The following TAFA5 variants were observed in gnomAD, a reference collection of about 807,000 sequenced individuals.
TAFA5 encodes the protein TAFA chemokine like family member 5.
In TAFA5, 6 loss-of-function variants were observed where a neutral mutation model predicts 15.3. That is an observed-to-expected ratio of 0.39 (90% CI 0.21 to 0.77). The LOEUF is 0.77. Among genes scored for constraint, TAFA5 ranks in the 30% least tolerant of loss-of-function variants. TAFA5 has a pLI of 0.41. For synonymous variants in TAFA5, 103 were observed against 80.7 expected (o/e 1.28, Z -1.48); for missense variants, 161 against 193.1 (o/e 0.83, Z 0.98).
chr22:48,627,209 G>A (rs1275052597), intron 1 of TAFA5, among the ~76,000 whole-genome samples: 1 of 152,238 alleles, frequency 6.6e-6, no homozygotes, highest in Non-Finnish European at 1.5e-5. Flanking sequence ...TTTTCTGGAA[G>A]TTCAGTCTTT....
intron 1 of TAFA5, among the ~76,000 whole-genome samples, chr22:48,510,112 C>A (rs1451566841): frequency 1.3e-5 from 2 of 152,166 alleles, no homozygotes; most frequent in Non-Finnish European, 2.9e-5. Context: ...ACCTGAAATG[C>A]TTCGGGACAT....
chr22:48,490,199 G>A lies in TAFA5; in HGVS notation c.112+495G>A, dbSNP rs1025745541. On this transcript the variant is annotated intron_variant, in intron 1 of 3. Coordinates refer to ENST00000402357, the MANE Select transcript of TAFA5 (RefSeq NM_001082967.3). The surrounding 1 kb of genome is among the most constrained non-coding windows in gnomAD (Gnocchi z 5.8). ...AGCCCAGCCTGGGCTCGGAGGAGCA[G>A]CTGGAGCTTCCGCTTTCCCGGGAAA... Among the ~76,000 whole-genome samples, 1 of 152,158 alleles carries A rather than the reference G, an allele frequency of 6.6e-6. No individual in the cohort carries two copies. The highest frequency in any genetic ancestry group is 6.5e-5 in the Admixed American group (1 of 15,286).
intron 1 of TAFA5, among the ~76,000 whole-genome samples, chr22:48,624,627 C>G (rs1925964599): frequency 6.6e-6 from 1 of 152,172 alleles, no homozygotes; most frequent in African/African-American, 2.4e-5. Flanking sequence ...TGGGCGCTCC[C>G]CCTGGCACTC....
At chr22:48,553,709 C>T (rs547459641) in intron 1 of TAFA5, among the ~76,000 whole-genome samples, 2 of 152,344 alleles carry the variant, frequency 1.3e-5, no homozygotes, top group African/African-American at 4.8e-5. Context: ...CTGCCTCCCA[C>T]GGCTCTCTCT....
intron 1 of TAFA5, among the ~76,000 whole-genome samples, chr22:48,542,455 G>GATGTTTGTGT (rs1569019089): frequency 8.0e-6 from 1 of 125,128 alleles, no homozygotes; most frequent in Non-Finnish European, 1.7e-5. Context: ...GTGTATGTGC[G>GATGTTTGTGT]GGTGTGTGTT....
intron 3 of TAFA5, 21 bp from the exon 4 acceptor site, chr22:48,749,818 C>T: frequency 6.4e-7 from 1 of 1,561,164 alleles, no homozygotes; most frequent in Non-Finnish European, 8.7e-7. Context: ...GGCTCACCCT[C>T]TCTCTCTCTT....
intron 1 of TAFA5, among the ~76,000 whole-genome samples, chr22:48,633,138 C>T (rs1330597606): frequency 1.3e-5 from 2 of 152,150 alleles, no homozygotes; most frequent in Non-Finnish European, 2.9e-5. Flanking sequence ...GCCAGGCCGC[C>T]CCCACTGGGC....
At chr22:48,520,396 G>T (rs530995836) in intron 1 of TAFA5, among the ~76,000 whole-genome samples, 4 of 152,222 alleles carry the variant, frequency 2.6e-5, no homozygotes, top group Non-Finnish European at 5.9e-5. Context: ...CACCGTGCAC[G>T]GGCTCACCCC....
intron 2 of TAFA5, among the ~76,000 whole-genome samples, chr22:48,682,355 AGGGGTTGG>A (rs1270049246): frequency 2.6e-5 from 4 of 152,192 alleles, no homozygotes; most frequent in African/African-American, 9.6e-5. Flanking sequence ...CTGCAGATGA[AGGGGTTGG>A]GGCAGAAGGG....
intron 2 of TAFA5, among the ~76,000 whole-genome samples, chr22:48,648,594 A>T (rs1260401526): frequency 6.6e-6 from 1 of 152,162 alleles, no homozygotes; most frequent in African/African-American, 2.4e-5. Context: ...CAATCCCAGT[A>T]CTATGGGAGG....
intron 1 of TAFA5, chr22:48,544,528 G>A (rs1229332301): frequency 2.7e-6 from 1 of 368,142 alleles, no homozygotes; most frequent in Non-Finnish European, 5.5e-6. Flanking sequence ...TTTCAAATGA[G>A]CTGCAGCACC....
rs116480065 is a variant in TAFA5, at chr22:48,646,357, G to A, written c.113-240G>A. On this transcript the variant is annotated intron_variant, in intron 1 of 3. Transcript: ENST00000402357. ...TCCTGTCTGCCAAGGCAGCACCACC[G>A]CCTGAACACCAGGCTGCACACAGGG... Among the ~76,000 whole-genome samples, 1,171 of 152,342 alleles carry A rather than the reference G, an allele frequency of 7.7e-3. 16 individuals are homozygous for A. Among genetic ancestry groups the A allele is most frequent in the African/African-American group, 0.027 (1,125 of 41,582 alleles).
chr22:48,569,723 C>A (rs925646744), intron 1 of TAFA5, among the ~76,000 whole-genome samples: 9 of 152,210 alleles, frequency 5.9e-5, no homozygotes, highest in African/African-American at 1.7e-4. Context: ...ACCTGACCCA[C>A]GTGCATCCCG....
At chr22:48,627,359 G>C (rs1005995389) in intron 1 of TAFA5, among the ~76,000 whole-genome samples, 3 of 152,242 alleles carry the variant, frequency 2.0e-5, no homozygotes, top group African/African-American at 4.8e-5. Flanking sequence ...CAGGTCTGGG[G>C]GTGGCGGGGG....
chr22:48,582,995 T>G (rs1308192155), intron 1 of TAFA5, among the ~76,000 whole-genome samples: 3 of 60,748 alleles, frequency 4.9e-5, no homozygotes, highest in South Asian at 5.4e-4. Context: ...ACACACAAAA[T>G]AAACCACACA....
chr22:48,681,300 A>G (rs1386907709), intron 2 of TAFA5, among the ~76,000 whole-genome samples: 1 of 152,130 alleles, frequency 6.6e-6, no homozygotes, highest in African/African-American at 2.4e-5. Context: ...CCGTGAGGAC[A>G]CGCACAGCTC....
At chr22:48,637,078 G>A (rs932993498) in intron 1 of TAFA5, among the ~76,000 whole-genome samples, 1 of 152,106 alleles carries the variant, frequency 6.6e-6, no homozygotes, top group Non-Finnish European at 1.5e-5. Flanking sequence ...GAAGGGAGGT[G>A]TCTGCAGGTG....
At chr22:48,709,536 G>A (rs1369012669) in intron 3 of TAFA5, among the ~76,000 whole-genome samples, 1 of 152,156 alleles carries the variant, frequency 6.6e-6, no homozygotes, top group South Asian at 2.1e-4. Flanking sequence ...CAACATAAGC[G>A]GCCACCTCGC....
chr22:48,540,901 A>T (rs1456744335), intron 1 of TAFA5, among the ~76,000 whole-genome samples: 1 of 151,104 alleles, frequency 6.6e-6, no homozygotes, highest in African/African-American at 2.4e-5. Context: ...AAATACAAAC[A>T]GCAGCCATTT....
Sources: allele counts gnomAD v4.1 joint callset (sites outside exome capture counted in the v4.1 genomes callset), GRCh38; gene constraint gnomAD v4.1.1; non-coding constraint Gnocchi (gnomAD v3.1); transcripts MANE v1.5; gene names NCBI Gene and HGNC (gene_info 2026-07-23, HGNC 2026-07-21).